Variants in PDE11A observed in about 807,000 individuals in gnomAD.
The protein encoded by PDE11A is phosphodiesterase 11A.
PDE11A carries 100 observed loss-of-function variants against 100.5 expected under a neutral mutation model. The ratio of observed to expected loss-of-function variants is 1.00; its 90% CI spans 0.85 to 1.18. PDE11A has a LOEUF of 1.18. Ranked by LOEUF, PDE11A falls within the 50% of genes most tolerant of loss-of-function variation. PDE11A has a pLI of 0.00. For synonymous variants in PDE11A, 381 were observed against 420.8 expected, an observed-to-expected ratio of 0.91 and a Z score of 1.16; for missense variants, 1,141 against 1,152.6, an observed-to-expected ratio of 0.99 and a Z score of 0.15.
chr2:178,036,722 T>A (rs189283992), intron 1 of PDE11A, among the ~76,000 whole-genome samples: 2 of 152,090 alleles, frequency 1.3e-5, no homozygotes, highest in Admixed American at 1.3e-4. Context: ...ACACCACACA[T>A]CTACAATCAT....
chr2:177,925,880 C>T (rs530821145), intron 2 of PDE11A, among the ~76,000 whole-genome samples: 4 of 152,298 alleles, frequency 2.6e-5, no homozygotes, highest in Non-Finnish European at 5.9e-5. Context: ...TCAGGACACT[C>T]GCTGGAGTTT....
At chr2:177,835,452 G>T (rs1362126021) in intron 6 of PDE11A, among the ~76,000 whole-genome samples, 1 of 152,204 alleles carries the variant, frequency 6.6e-6, no homozygotes, top group Non-Finnish European at 1.5e-5. Context: ...ACTGGGAAAA[G>T]TTAATTTCCC....
intron 2 of PDE11A, among the ~76,000 whole-genome samples, chr2:177,926,435 T>C (rs958996749): frequency 6.6e-6 from 1 of 152,356 alleles, no homozygotes; most frequent in Admixed American, 6.5e-5. Context: ...CTTAAGGCAC[T>C]GGTTCACTGA....
intron 8 of PDE11A, 75 bp downstream of exon 8, chr2:177,817,783 G>C: frequency 1.3e-6 from 1 of 749,750 alleles, no homozygotes; most frequent in South Asian, 1.4e-5. Context: ...ATAATTGTTT[G>C]TCTTTCAAAT....
In PDE11A at chr2:178,064,580, A is replaced by G. The variant is rs181249830; in HGVS notation, c.912+6946T>C. Among the ~76,000 whole-genome samples the G allele has an allele frequency of 3.9e-3, 599 of 152,260 alleles. 7 individuals are homozygous for G. The highest frequency in any genetic ancestry group is 0.013 in the African/African-American group (557 of 41,554). ...TGCTTGCTAACGAGCTGTGTGGCTCAAAGTTAGTACTCCATAAATGAAGTT... is the reference window on the plus strand; with the variant it reads ...TGCTTGCTAACGAGCTGTGTGGCTCGAAGTTAGTACTCCATAAATGAAGTT... On this transcript the variant is annotated intron_variant, in intron 1 of 19. Coordinates refer to ENST00000286063, the MANE Select transcript of PDE11A (RefSeq NM_016953.4).
chr2:177,734,157 T>G (rs778512539), intron 10 of PDE11A, among the ~76,000 whole-genome samples: 1 of 152,220 alleles, frequency 6.6e-6, no homozygotes, highest in Admixed American at 6.5e-5. Context: ...TGGACCTATG[T>G]GAGGGACAAT....
chr2:177,726,393 C>T (rs974344005), intron 12 of PDE11A, among the ~76,000 whole-genome samples: 1 of 152,076 alleles, frequency 6.6e-6, no homozygotes, highest in Admixed American at 6.6e-5. Flanking sequence ...GTGTGACCCT[C>T]AATAAATGGT....
chr2:177,994,526 C>A (rs1309727070), intron 2 of PDE11A, among the ~76,000 whole-genome samples: 1 of 152,160 alleles, frequency 6.6e-6, no homozygotes, highest in Non-Finnish European at 1.5e-5. Context: ...TGAATGGCTG[C>A]GACCCTGTAC....
intron 9 of PDE11A, among the ~76,000 whole-genome samples, chr2:177,803,319 C>CAAA (rs1422649826): frequency 2.0e-5 from 3 of 151,446 alleles, no homozygotes; most frequent in African/African-American, 7.3e-5. Context: ...ACAACAACAA[C>CAAA]AACAACAACA....
chr2:177,767,575 C>T (rs1329498856), intron 10 of PDE11A, among the ~76,000 whole-genome samples: 1 of 151,948 alleles, frequency 6.6e-6, no homozygotes, highest in African/African-American at 2.4e-5. Flanking sequence ...AATAATTGAA[C>T]TTTATTGGCT....
At chr2:177,664,088 C>T (rs2080531924) in intron 18 of PDE11A, 139 bp from the exon 19 acceptor site, 4 of 648,488 alleles carry the variant, frequency 6.2e-6, no homozygotes, top group African/African-American at 3.6e-5. Context: ...TTTACACATA[C>T]TTTCTTTTCC....
At chr2:178,054,262 T>C (rs2086869055) in intron 1 of PDE11A, among the ~76,000 whole-genome samples, 1 of 152,196 alleles carries the variant, frequency 6.6e-6, no homozygotes, top group Non-Finnish European at 1.5e-5. Context: ...ATTCCCTATT[T>C]AGCAAATGGT....
intron 6 of PDE11A, among the ~76,000 whole-genome samples, chr2:177,828,230 G>T (rs2083257583): frequency 6.6e-6 from 1 of 152,010 alleles, no homozygotes; most frequent in Non-Finnish European, 1.5e-5. Flanking sequence ...GTTGGTACAA[G>T]TCCTTCCTCA....
At chr2:178,099,033 G>A (rs144344862) in intron 2 of PDE11A, among the ~76,000 whole-genome samples, 1,594 of 152,158 alleles carry the variant, frequency 0.01, 8 homozygotes, top group Non-Finnish European at 0.016. Flanking sequence ...TCTAAAACCC[G>A]CTTCAATTAT....
intron 9 of PDE11A, among the ~76,000 whole-genome samples, chr2:177,779,004 G>A (rs1223626364): frequency 2.0e-5 from 3 of 151,982 alleles, no homozygotes; most frequent in Non-Finnish European, 4.4e-5. Context: ...CCAAACATGG[G>A]GTAATAATAA....
At position 177,696,101 on chromosome 2, in the gene PDE11A, A is replaced by T. The variant is rs551410703; in HGVS notation, c.2345+1231T>A. Among the ~76,000 whole-genome samples, 4 of 152,310 alleles carry T rather than the reference A, an allele frequency of 2.6e-5. No individual in the cohort carries two copies. The South Asian group carries it at 6.2e-4, about 24-fold the overall frequency. On this transcript the variant is annotated intron_variant, in intron 15 of 19. Transcript: ENST00000286063. ...AGGGGAGAAGTGGAAGGTAAGAATG[A>T]AAAAAGGTTGGGGGCAGATTATAGA...
intron 2 of PDE11A, among the ~76,000 whole-genome samples, chr2:177,957,565 T>C (rs893551128): frequency 1.3e-5 from 2 of 152,170 alleles, no homozygotes; most frequent in Admixed American, 6.5e-5. Context: ...AAACCAGCTT[T>C]TCTAAACCAG....
intron 10 of PDE11A, among the ~76,000 whole-genome samples, chr2:177,752,424 T>A (rs946824297): frequency 3.3e-5 from 5 of 152,232 alleles, no homozygotes; most frequent in African/African-American, 7.2e-5. Context: ...TGACTTATTT[T>A]ACCTCCTTAG....
In PDE11A at chr2:177,628,974, C is replaced by A; in HGVS notation, c.*433G>T. 2 of 217,728 alleles carry A rather than the reference C, an allele frequency of 9.2e-6. No individual in the cohort carries two copies. The highest frequency in any genetic ancestry group is 1.9e-5 in the Non-Finnish European group (2 of 107,498). 13.5% of individuals were successfully genotyped at this position (217,728 alleles called of 1,614,324 possible). ...CTTGGGACAGTCTGGCACAAAAAGG[C>A]ATTCAGGGACAGGAAGCAAAGACAG... On this transcript the variant is annotated 3_prime_UTR_variant, in exon 20 of 20. Coordinates refer to ENST00000286063, the MANE Select transcript of PDE11A (RefSeq NM_016953.4).
Sources: gnomAD v4.1 joint callset for allele counts (sites outside exome capture counted in the v4.1 genomes callset) on GRCh38, gnomAD v4.1.1 for gene constraint, MANE v1.5 for transcripts, NCBI Gene and HGNC (gene_info 2026-07-23, HGNC 2026-07-21) for gene names.